Variants in APBA1 observed in about 807,000 individuals in gnomAD.
The protein encoded by APBA1 is amyloid-beta A4 precursor protein-binding family A member 1.
In APBA1, 55 loss-of-function variants were observed where a neutral mutation model predicts 86.6. That is an observed-to-expected ratio of 0.64 (90% CI 0.51 to 0.80). APBA1 has a LOEUF of 0.80. Among genes scored for constraint, APBA1 ranks in the 30% least tolerant of loss-of-function variants. The pLI, the probability that APBA1 is intolerant of heterozygous loss-of-function variation, is 0.00. For synonymous variants in APBA1, 511 were observed against 493.9 expected, an observed-to-expected ratio of 1.03 and a Z score of -0.46; for missense variants, 1,090 against 1,183.0, an observed-to-expected ratio of 0.92 and a Z score of 1.15.
rs376716317 is a variant in APBA1 at position 69,432,477 on chromosome 9, C to T, written c.2442+59G>A. 2.0e-4 allele frequency: 278 copies of T among 1,419,478 alleles called. 1 individual carries two copies. Among genetic ancestry groups the T allele is most frequent in the Middle Eastern group, 9.9e-4 (5 of 5,044 alleles). 87.9% of individuals were successfully genotyped at this position (1,419,478 alleles called of 1,614,324 possible). ...TCTGCTCAGGGCCACGGTGAGCATA[C>T]GAGGCAGGGGCACCAGACGCGGCCC... On this transcript the variant is annotated intron_variant, in intron 12 of 12. Coordinates refer to ENST00000265381, the MANE Select transcript of APBA1 (RefSeq NM_001163.4).
chr9:69,589,908 G>A (rs1822094844), intron 1 of APBA1, among the ~76,000 whole-genome samples: 2 of 152,160 alleles, frequency 1.3e-5, no homozygotes. Context: ...CTGAATTAAA[G>A]GTGAAGCCCC....
chr9:69,633,802 A>G (rs1823098638), intron 1 of APBA1, among the ~76,000 whole-genome samples: 1 of 152,348 alleles, frequency 6.6e-6, no homozygotes, highest in African/African-American at 2.4e-5. Flanking sequence ...CAACCAAGCC[A>G]CAGATAATAC....
chr9:69,441,903 C>T (rs1182352275), intron 10 of APBA1, among the ~76,000 whole-genome samples: 1 of 152,212 alleles, frequency 6.6e-6, no homozygotes, highest in African/African-American at 2.4e-5. Context: ...AGAAAGCTTC[C>T]ACCTCTGTGT....
At chr9:69,540,868 G>C (rs1836597619) in intron 1 of APBA1, among the ~76,000 whole-genome samples, 1 of 152,198 alleles carries the variant, frequency 6.6e-6, no homozygotes, top group South Asian at 2.1e-4. Flanking sequence ...GCTTCCCAAA[G>C]TGTTGGGATT....
intron 1 of APBA1, among the ~76,000 whole-genome samples, chr9:69,626,073 A>G (rs1175033470): frequency 6.6e-6 from 1 of 152,208 alleles, no homozygotes; most frequent in African/African-American, 2.4e-5. Context: ...AGGTCATGTC[A>G]AATTTTTGTT....
intron 1 of APBA1, among the ~76,000 whole-genome samples, chr9:69,567,697 G>A (rs577470167): frequency 2.3e-4 from 35 of 152,084 alleles, no homozygotes; most frequent in South Asian, 2.1e-4. Flanking sequence ...TGGGCCTCAC[G>A]CTCTCATGTC....
At chr9:69,638,253 TG>T (rs1375054898) in intron 1 of APBA1, among the ~76,000 whole-genome samples, 1 of 152,112 alleles carries the variant, frequency 6.6e-6, no homozygotes, top group Admixed American at 6.6e-5. Context: ...TTTTTGTTTT[TG>T]TTTTGAGATG....
intron 1 of APBA1, among the ~76,000 whole-genome samples, chr9:69,661,853 A>G (rs905576169): frequency 6.6e-6 from 1 of 151,676 alleles, no homozygotes; most frequent in African/African-American, 2.4e-5. Flanking sequence ...CTGTCTTTCC[A>G]CTTTCCACTA....
chr9:69,658,282 T>TTCTTTCTTTCTTTCTTTCTTTCTTTC (rs1554709948), intron 1 of APBA1, among the ~76,000 whole-genome samples: 1 of 39,790 alleles, frequency 2.5e-5, no homozygotes, highest in Non-Finnish European at 6.2e-5. Flanking sequence ...CTTTCTTTCT[T>TTCTTTCTTTCTTTCTTTCTTTCTTTC]TCTCTCTCTC....
At chr9:69,583,515 C>G (rs1230269086) in intron 1 of APBA1, among the ~76,000 whole-genome samples, 2 of 152,142 alleles carry the variant, frequency 1.3e-5, no homozygotes, top group East Asian at 3.8e-4. Flanking sequence ...AGACACTGTT[C>G]TTAAGAATTC....
chr9:69,427,603 A>AGAT lies in APBA1; in HGVS notation c.*3721_*3723dup, dbSNP rs1371793208. On this transcript the variant is annotated 3_prime_UTR_variant, in exon 13 of 13. Coordinates refer to ENST00000265381, the MANE Select transcript of APBA1 (RefSeq NM_001163.4). ...CATTAGCGTTCAGTTAAATAAAGGA[A>AGAT]GATAGATAGCACAGTAAATACATCA... The AGAT allele has an allele frequency of 6.6e-6, 1 of 150,710 alleles. No homozygotes were observed. Among genetic ancestry groups the AGAT allele is most frequent in the Non-Finnish European group, 1.5e-5 (1 of 67,532 alleles). 9.3% of individuals were successfully genotyped at this position (150,710 alleles called of 1,614,324 possible).
chr9:69,566,966 T>G (rs894339000), intron 1 of APBA1, among the ~76,000 whole-genome samples: 2 of 152,198 alleles, frequency 1.3e-5, no homozygotes, highest in Non-Finnish European at 2.9e-5. Flanking sequence ...TATTTCTTCC[T>G]GTATCCCAAC....
intron 1 of APBA1, among the ~76,000 whole-genome samples, chr9:69,610,912 T>C (rs1156976067): frequency 1.3e-5 from 2 of 152,126 alleles, no homozygotes; most frequent in Admixed American, 6.5e-5. Context: ...TAGAACTGAA[T>C]TAAAAAATGC....
At chr9:69,660,481 C>A (rs772301181) in intron 1 of APBA1, among the ~76,000 whole-genome samples, 3 of 152,178 alleles carry the variant, frequency 2.0e-5, no homozygotes, top group Non-Finnish European at 4.4e-5. Flanking sequence ...ATCTAACAAG[C>A]GCTTTTCATG....
rs780452511 is a variant in APBA1 at position 69,430,501 on chromosome 9, T to C, written c.*826A>G. 2 of 151,772 alleles carry C rather than the reference T, an allele frequency of 1.3e-5. No homozygotes were observed. The highest frequency in any genetic ancestry group is 2.9e-5 in the Non-Finnish European group (2 of 68,140). The allele number at this position is 151,772 out of a possible 1,614,324, so 9.4% of individuals were successfully genotyped here. A position where few individuals can be genotyped will look rare whatever the true frequency, so the allele number is the denominator to read the frequency against. ...GTGCCTAATCTTCAGCTTGTCTCACTGGTGGTGGGAGCAGGGAAGGGTGAT... is the reference window on the plus strand; with the variant it reads ...GTGCCTAATCTTCAGCTTGTCTCACCGGTGGTGGGAGCAGGGAAGGGTGAT... On this transcript the variant is annotated 3_prime_UTR_variant, in exon 13 of 13. Coordinates refer to ENST00000265381, the MANE Select transcript of APBA1 (RefSeq NM_001163.4).
At chr9:69,546,232 T>C (rs1224603976) in intron 1 of APBA1, among the ~76,000 whole-genome samples, 1 of 152,222 alleles carries the variant, frequency 6.6e-6, no homozygotes, top group East Asian at 1.9e-4. Flanking sequence ...CATGAAACTG[T>C]GGAAATCTGA....
intron 1 of APBA1, among the ~76,000 whole-genome samples, chr9:69,650,033 T>G (rs1823467396): frequency 6.6e-6 from 1 of 152,224 alleles, no homozygotes; most frequent in South Asian, 2.1e-4. Flanking sequence ...TCTCTCCCAC[T>G]GCCTCCTCCC....
At chr9:69,491,764 ATTTTT>A (rs151248069) in intron 2 of APBA1, among the ~76,000 whole-genome samples, 3 of 132,414 alleles carry the variant, frequency 2.3e-5, no homozygotes, top group Admixed American at 7.6e-5. Flanking sequence ...TATCCCTTGA[ATTTTT>A]TTTTTTTTTT....
intron 1 of APBA1, among the ~76,000 whole-genome samples, chr9:69,574,974 G>C (rs905723047): frequency 1.3e-5 from 2 of 152,090 alleles, no homozygotes; most frequent in Non-Finnish European, 2.9e-5. Flanking sequence ...GAGTGCAGTG[G>C]TGCAATCTCA....
Sources: allele counts gnomAD v4.1 joint callset (sites outside exome capture counted in the v4.1 genomes callset), GRCh38; gene constraint gnomAD v4.1.1; transcripts MANE v1.5; gene names NCBI Gene and HGNC (gene_info 2026-07-23, HGNC 2026-07-21).